Variants in CCND2 observed in about 807,000 individuals in gnomAD.
CCND2 encodes G1/S-specific cyclin-D2.
Under a neutral mutation model 30.2 loss-of-function variants are expected in CCND2, and 6 were observed. The observed-to-expected ratio is 0.20, with a 90% CI of 0.11 to 0.39. CCND2 has a LOEUF of 0.39. Among genes scored for constraint, CCND2 ranks in the 10% least tolerant of loss-of-function variants. CCND2 has a pLI of 1.00. For missense variants in CCND2, 235 were observed against 373.4 expected (o/e 0.63, Z 3.06); for synonymous variants, 150 against 153.1 (o/e 0.98, Z 0.15).
At chr12:4,297,620 AC>A (rs1211185337) in intron 4 of CCND2, 1 of 155,432 alleles carries the variant, frequency 6.4e-6, no homozygotes, top group Non-Finnish European at 1.4e-5. Flanking sequence ...GAAACATTAT[AC>A]CTTAACTTTT....
chr12:4,288,325 G>A (rs1864051073), intron 3 of CCND2, among the ~76,000 whole-genome samples: 1 of 149,530 alleles, frequency 6.7e-6, no homozygotes, highest in Non-Finnish European at 1.5e-5. Context: ...TTAGCATTAT[G>A]CATAGATTTT....
Position 4,299,163 on chromosome 12 carries a change from C to A in CCND2, c.721-697C>A, listed in dbSNP as rs903473878. 6.6e-6 allele frequency among the ~76,000 whole-genome samples: 1 copy of A among 151,918 alleles called. No homozygotes were observed. The highest frequency in any genetic ancestry group is 2.4e-5 in the African/African-American group (1 of 41,328). ...GATCACAAGGTCAGGAGTTCGAGGC[C>A]AGCCTGGCCAATATGGTGAAACCCT... is the stretch of plus-strand genomic sequence containing the variant. On this transcript the variant is annotated intron_variant, in intron 4 of 4. Transcript: ENST00000261254. This position sits in a 1 kb window ranked among gnomAD's most constrained non-coding sequence, Gnocchi z 5.2.
chr12:4,284,194 T>G (rs1257137458), intron 3 of CCND2, among the ~76,000 whole-genome samples: 1 of 152,210 alleles, frequency 6.6e-6, no homozygotes. Context: ...TGACATTCAT[T>G]GCTTACCTTG....
intron 4 of CCND2, among the ~76,000 whole-genome samples, chr12:4,292,344 T>A (rs941397735): frequency 2.0e-5 from 3 of 152,134 alleles, no homozygotes; most frequent in Admixed American, 2.0e-4. Flanking sequence ...GCTGACAGTT[T>A]CCCCCAGAGC....
chr12:4,289,440 C>T (rs1864067235), intron 4 of CCND2, among the ~76,000 whole-genome samples: 1 of 152,170 alleles, frequency 6.6e-6, no homozygotes, highest in Non-Finnish European at 1.5e-5. Flanking sequence ...AAGAGGTGCC[C>T]CACTGTGAGA....
chr12:4,276,341 G>C lies in CCND2; in HGVS notation c.411+121G>C. 5 of 759,386 alleles carry C rather than the reference G, an allele frequency of 6.6e-6. No homozygotes were observed. Among genetic ancestry groups the C allele is most frequent in the Non-Finnish European group, 1.1e-5 (5 of 470,638 alleles). The allele number at this position is 759,386 out of a possible 1,614,324, so 47.0% of individuals were successfully genotyped here. A position where few individuals can be genotyped will look rare whatever the true frequency, so the allele number is the denominator to read the frequency against. ...GGGATCCAGAATGACCCCACCAATA[G>C]AATTTACCCACTTATGGGCGATAGC... On this transcript the variant is annotated intron_variant, in intron 2 of 4. Coordinates refer to ENST00000261254, the MANE Select transcript of CCND2 (RefSeq NM_001759.4). The surrounding 1 kb of genome is among the most constrained non-coding windows in gnomAD (Gnocchi z 4.8).
chr12:4,296,860 T>G (rs2120583812), intron 4 of CCND2, among the ~76,000 whole-genome samples: 1 of 152,182 alleles, frequency 6.6e-6, no homozygotes, highest in East Asian at 1.9e-4. Flanking sequence ...AAATATCAAT[T>G]TAGACTGTTA....
At position 4,304,566 on chromosome 12, in the gene CCND2, G is replaced by T. The variant is rs1864291037; in HGVS notation, c.*4557G>T. 1 of 233,580 alleles carries T rather than the reference G, an allele frequency of 4.3e-6. No individual in the cohort carries two copies. The highest frequency in any genetic ancestry group is 8.5e-6 in the Non-Finnish European group (1 of 118,048). The allele number at this position is 233,580 out of a possible 1,614,324, so 14.5% of individuals were successfully genotyped here. On this transcript the variant is annotated 3_prime_UTR_variant, in exon 5 of 5. Transcript: ENST00000261254. The surrounding 1 kb of genome is among the most constrained non-coding windows in gnomAD (Gnocchi z 6.2). ...TCTGGATTCTAAACAACCCAGAATG[G>T]TCATTTCAGGCACAACGATACTACA...
At chr12:4,279,713 CT>C (rs1863922149) in intron 3 of CCND2, among the ~76,000 whole-genome samples, 1 of 150,020 alleles carries the variant, frequency 6.7e-6, no homozygotes, top group East Asian at 2.1e-4. Flanking sequence ...CCAGTGTCTA[CT>C]GGTTTTTTGT....
chr12:4,283,397 A>C (rs1241292073), intron 3 of CCND2, among the ~76,000 whole-genome samples: 1 of 152,158 alleles, frequency 6.6e-6, no homozygotes, highest in Non-Finnish European at 1.5e-5. Flanking sequence ...TGAGTGGTAT[A>C]TGGGAGGTGA....
chr12:4,295,360 G>C (rs1864155492), intron 4 of CCND2, among the ~76,000 whole-genome samples: 1 of 152,252 alleles, frequency 6.6e-6, no homozygotes, highest in South Asian at 2.1e-4. Context: ...GAGAGGGTTA[G>C]CGTCCTGCCT....
At position 4,276,846 on chromosome 12, in the gene CCND2, C is replaced by T. The variant is rs966652580; in HGVS notation, c.411+626C>T. ...TCCTGTCTTATCTCTGCTTTTCTAC[C>T]AGGGAACCTTTTTCCCACCTGATCT... is the stretch of plus-strand genomic sequence containing the variant. On this transcript the variant is annotated intron_variant, in intron 2 of 4. Coordinates refer to ENST00000261254, the MANE Select transcript of CCND2 (RefSeq NM_001759.4). The surrounding 1 kb of genome is among the most constrained non-coding windows in gnomAD (Gnocchi z 4.8). 1.1e-4 allele frequency among the ~76,000 whole-genome samples: 16 copies of T among 152,212 alleles called. No homozygotes were observed. Among genetic ancestry groups the T allele is most frequent in the African/African-American group, 3.9e-4 (16 of 41,456 alleles).
At position 4,276,382 on chromosome 12, in the gene CCND2, C is replaced by T. The variant is rs1212850746; in HGVS notation, c.411+162C>T. 1.3e-5 allele frequency among the ~76,000 whole-genome samples: 2 copies of T among 152,194 alleles called. No individual in the cohort carries two copies. The highest frequency in any genetic ancestry group is 4.8e-5 in the African/African-American group (2 of 41,454). On this transcript the variant is annotated intron_variant, in intron 2 of 4. Coordinates refer to ENST00000261254, the MANE Select transcript of CCND2 (RefSeq NM_001759.4). This position sits in a 1 kb window ranked among gnomAD's most constrained non-coding sequence, Gnocchi z 4.8. ...GGGCGATAGCTCATTTAATAGGAAA[C>T]CACTGTTTATTTTTTGTGTGTTCCT...
chr12:4,281,428 C>T (rs1863946863), intron 3 of CCND2, among the ~76,000 whole-genome samples: 1 of 152,134 alleles, frequency 6.6e-6, no homozygotes, highest in Non-Finnish European at 1.5e-5. Context: ...GGGCAAGGAC[C>T]CAGGACTCTG....
In CCND2 at chr12:4,282,160, C is replaced by T. The variant is rs187457373; in HGVS notation, c.571+3241C>T. ...CTGGGAGATTGTTGAGATGTGATAC[C>T]ATGCTCGGTGGATGATTCCAGTTAG... On this transcript the variant is annotated intron_variant, in intron 3 of 4. Transcript: ENST00000261254. This position sits in a 1 kb window ranked among gnomAD's most constrained non-coding sequence, Gnocchi z 4.3. 5.3e-5 allele frequency among the ~76,000 whole-genome samples: 8 copies of T among 152,280 alleles called. No individual in the cohort carries two copies. The East Asian group carries it at 1.4e-3, about 26-fold the overall frequency.
chr12:4,277,669 G>GA (rs915209611), intron 2 of CCND2, among the ~76,000 whole-genome samples: 30 of 152,308 alleles, frequency 2.0e-4, no homozygotes, highest in African/African-American at 7.2e-4. Context: ...TTACAAATGA[G>GA]AAGGCTGAGG....
rs561152563 is a variant in CCND2 at position 4,299,222 on chromosome 12, C to T, written c.721-638C>T. 2.8e-4 allele frequency among the ~76,000 whole-genome samples: 43 copies of T among 152,154 alleles called. No individual in the cohort carries two copies. In the East Asian group the frequency reaches 6.0e-3, roughly 21 times the overall value. On this transcript the variant is annotated intron_variant, in intron 4 of 4. Transcript: ENST00000261254. The surrounding 1 kb of genome is among the most constrained non-coding windows in gnomAD (Gnocchi z 5.2). The stretch of plus-strand genomic sequence containing the variant: ...TAAAAATACAAAAATTAGCCAGGCG[C>T]GGTGGCGGGTGCCTGTAGTCCCAGC...
rs1334618426 is a variant in CCND2 at position 4,276,656 on chromosome 12, C to T, written c.411+436C>T. Among the ~76,000 whole-genome samples, 1 of 152,194 alleles carries T rather than the reference C, an allele frequency of 6.6e-6. No individual in the cohort carries two copies. The highest frequency in any genetic ancestry group is 1.5e-5 in the Non-Finnish European group (1 of 68,032). On this transcript the variant is annotated intron_variant, in intron 2 of 4. Coordinates refer to ENST00000261254, the MANE Select transcript of CCND2 (RefSeq NM_001759.4). The surrounding 1 kb of genome is among the most constrained non-coding windows in gnomAD (Gnocchi z 4.8). ...AAAAACTTGGAGTTCAAAGGTAATGCCCTCTATATCTACAAAGTCTCAAGA... is the reference window on the plus strand; with the variant it reads ...AAAAACTTGGAGTTCAAAGGTAATGTCCTCTATATCTACAAAGTCTCAAGA...
In CCND2 at chr12:4,274,377, C is replaced by A; in HGVS notation, c.195+142C>A. ...CGGGAGTTTACCGCGCGCCTTCTGGCGAGACGCGTGGCTTTATTTCTGTTC... is the reference window on the plus strand; with the variant it reads ...CGGGAGTTTACCGCGCGCCTTCTGGAGAGACGCGTGGCTTTATTTCTGTTC... On this transcript the variant is annotated intron_variant, in intron 1 of 4. Coordinates refer to ENST00000261254, the MANE Select transcript of CCND2 (RefSeq NM_001759.4). The surrounding 1 kb of genome is among the most constrained non-coding windows in gnomAD (Gnocchi z 7.7). The A allele has an allele frequency of 1.2e-6, 1 of 827,586 alleles. No individual in the cohort carries two copies. Among genetic ancestry groups the A allele is most frequent in the Non-Finnish European group, 1.9e-6 (1 of 518,102 alleles). The allele number at this position is 827,586 out of a possible 1,614,324, so 51.3% of individuals were successfully genotyped here. A position where few individuals can be genotyped will look rare whatever the true frequency, so the allele number is the denominator to read the frequency against.
Sources: gnomAD v4.1 joint callset for allele counts (sites outside exome capture counted in the v4.1 genomes callset) on GRCh38, gnomAD v4.1.1 for gene constraint, Gnocchi (gnomAD v3.1) non-coding constraint, MANE v1.5 for transcripts, NCBI Gene and HGNC (gene_info 2026-07-23, HGNC 2026-07-21) for gene names.